The following AASDH variants were observed in gnomAD, a reference collection of about 807,000 sequenced individuals.
AASDH encodes the protein aminoadipate-semialdehyde dehydrogenase, also known as beta-alanine-activating enzyme.
AASDH carries 81 observed loss-of-function variants against 102.3 expected under a neutral mutation model. The observed-to-expected ratio is 0.79, with a 90% confidence interval of 0.66 to 0.95. AASDH has a LOEUF of 0.95. Among genes scored for constraint, AASDH ranks in the 40% least tolerant of loss-of-function variants. AASDH has a pLI of 0.00. For missense variants in AASDH, 1,203 were observed against 1,266.2 expected (o/e 0.95, Z 0.76); for synonymous variants, 398 against 454.0 (o/e 0.88, Z 1.57).
At chr4:56,347,625 G>C (rs948834169) in intron 11 of AASDH, among the ~76,000 whole-genome samples, 1 of 152,174 alleles carries the variant, frequency 6.6e-6, no homozygotes, top group South Asian at 2.1e-4. Flanking sequence ...CACCAGGCCA[G>C]ACATGGTGGC....
chr4:56,368,935 T>A (rs532747742), intron 5 of AASDH, among the ~76,000 whole-genome samples: 6 of 149,108 alleles, frequency 4.0e-5, no homozygotes, highest in African/African-American at 1.5e-4. Context: ...AGATGAACCC[T>A]GACAACACAG....
intron 3 of AASDH, among the ~76,000 whole-genome samples, chr4:56,378,699 A>G (rs944618831): frequency 6.6e-6 from 1 of 152,026 alleles, no homozygotes; most frequent in East Asian, 1.9e-4. Context: ...TAGATTACTT[A>G]TAACTAATAC....
intron 6 of AASDH, 108 bp downstream of exon 6, chr4:56,355,074 T>C: frequency 2.3e-6 from 3 of 1,303,982 alleles, no homozygotes; most frequent in Non-Finnish European, 3.1e-6. Context: ...TCAGATACAA[T>C]CGTGTTTCTA....
chr4:56,345,177 G>A lies in AASDH; in HGVS notation c.2602C>T (p.Leu868Phe), dbSNP rs1263019227. 14 of 1,614,060 alleles carry A rather than the reference G, an allele frequency of 8.7e-6. No individual in the cohort carries two copies. The highest frequency in any genetic ancestry group is 1.2e-5 in the Non-Finnish European group (14 of 1,180,016). The change falls in exon 12 of 15, where the codon CTC becomes TTC. Residue 868 changes from leucine (L) to phenylalanine (F), a missense_variant. Coordinates refer to ENST00000205214, the MANE Select transcript of AASDH (RefSeq NM_181806.4). ...SSATMDPTTG[L>F]IYIGSHDQHA... Reference sequence around the variant, plus strand: ...TGGTCATGAGATCCAATGTAAATGAGTCCTGTGGTTGGATCCATGGTTGCC... The same window carrying A: ...TGGTCATGAGATCCAATGTAAATGAATCCTGTGGTTGGATCCATGGTTGCC...
chr4:56,342,167 A>G lies in AASDH; in HGVS notation c.2907+668T>C, dbSNP rs375128307. Reference sequence around the variant, plus strand: ...GGGTGGGTTGGCTAATAAAAAAATAAAAACAGGTTAGTTAATAGGTAAAAA... The same window carrying G: ...GGGTGGGTTGGCTAATAAAAAAATAGAAACAGGTTAGTTAATAGGTAAAAA... On this transcript the variant is annotated intron_variant, in intron 14 of 14. Transcript: ENST00000205214. 5.3e-4 allele frequency among the ~76,000 whole-genome samples: 78 copies of G among 147,502 alleles called. 1 individual carries two copies. Among genetic ancestry groups the G allele is most frequent in the African/African-American group, 2.0e-3 (75 of 37,106 alleles).
At chr4:56,369,977 C>T (rs1415912980) in intron 5 of AASDH, among the ~76,000 whole-genome samples, 1 of 150,160 alleles carries the variant, frequency 6.7e-6, no homozygotes, top group Non-Finnish European at 1.5e-5. Context: ...ACAATGGAAA[C>T]TAATAATTAA....
At chr4:56,375,798 C>T (rs1243758123) in intron 4 of AASDH, among the ~76,000 whole-genome samples, 1 of 152,116 alleles carries the variant, frequency 6.6e-6, no homozygotes, top group Non-Finnish European at 1.5e-5. Flanking sequence ...CTTCCTCTAA[C>T]ACCAAGAAAT....
chr4:56,352,677 C>G (rs1181438101), intron 9 of AASDH, among the ~76,000 whole-genome samples: 2 of 152,240 alleles, frequency 1.3e-5, no homozygotes, highest in East Asian at 3.9e-4. Flanking sequence ...ATTATAGGCG[C>G]GAGTTGCCGC....
chr4:56,345,686 T>C (rs1159566375), intron 11 of AASDH, among the ~76,000 whole-genome samples: 1 of 152,216 alleles, frequency 6.6e-6, no homozygotes, highest in Non-Finnish European at 1.5e-5. Context: ...ATCTGCAGAA[T>C]GTGGAGTCAT....
Position 56,338,450 on chromosome 4 carries a change from T to G in AASDH, c.3249A>C (p.Arg1083Ser), listed in dbSNP as rs1348793048. The change falls in exon 15 of 15, where the codon AGA becomes AGC. Residue 1083 changes from arginine to serine, a missense_variant. Transcript: ENST00000205214. The stretch of plus-strand genomic sequence containing the variant: ...AATCCAGACAATAAACATAATTATC[T>G]CTACACCCAATAATGAGCATTGATT... ...VLESMLIIGC[R>S]DNYVYCLDLL... 6.2e-7 allele frequency: 1 copy of G among 1,614,068 alleles called. No homozygotes were observed. The highest frequency in any genetic ancestry group is 1.3e-5 in the African/African-American group (1 of 75,048).
At chr4:56,363,298 C>G (rs1053868494) in intron 5 of AASDH, among the ~76,000 whole-genome samples, 1 of 152,222 alleles carries the variant, frequency 6.6e-6, no homozygotes, top group African/African-American at 2.4e-5. Flanking sequence ...CCTCTGGGGG[C>G]AGGGCACAGA....
chr4:56,379,030 C>T (rs563764107), intron 3 of AASDH, among the ~76,000 whole-genome samples: 1 of 151,990 alleles, frequency 6.6e-6, no homozygotes, highest in East Asian at 1.9e-4. Context: ...ACTACAGGCA[C>T]CTGCCACCAC....
intron 3 of AASDH, among the ~76,000 whole-genome samples, chr4:56,379,412 G>A (rs538944461): frequency 2.0e-5 from 3 of 152,256 alleles, no homozygotes; most frequent in African/African-American, 4.8e-5. Flanking sequence ...GATTATAGGC[G>A]TGGGCCCCAA....
chr4:56,343,611 T>C lies in AASDH; in HGVS notation c.2726A>G (p.His909Arg). 6.2e-7 allele frequency: 1 copy of C among 1,610,802 alleles called. No individual in the cohort carries two copies. Among genetic ancestry groups the C allele is most frequent in the Non-Finnish European group, 8.5e-7 (1 of 1,178,174 alleles). The change falls in exon 13 of 15, where the codon CAT becomes CGT. Residue 909 changes from histidine to arginine, a missense_variant. Coordinates refer to ENST00000205214, the MANE Select transcript of AASDH (RefSeq NM_181806.4). The part of the protein sequence containing the change: ...FSSPCLNLIP[H>R]HLYFATLGGL... ...TCCCAATGTAGCAAAATACAAATGA[T>C]GTGGAATCAGGTTCAAACACGGAGA...
chr4:56,378,254 G>C lies in AASDH; in HGVS notation c.562C>G (p.Leu188Val). ...EKAEEHMDLR[L>V]KHCLAYVLHT... ...AGAACATAGGCTAAGCAATGCTTTA[G>C]CCTCAGATCCATGTGTTCTTCTGCT... is the stretch of plus-strand genomic sequence containing the variant. The change falls in exon 4 of 15, where the codon CTA becomes GTA. Residue 188 changes from leucine to valine, a missense_variant. Transcript: ENST00000205214. 2 of 1,614,110 alleles carry C rather than the reference G, an allele frequency of 1.2e-6. No homozygotes were observed. The highest frequency in any genetic ancestry group is 1.7e-6 in the Non-Finnish European group (2 of 1,180,038).
chr4:56,354,609 T>C, intron 7 of AASDH, 96 bp downstream of exon 7: 2 of 867,090 alleles, frequency 2.3e-6, no homozygotes, highest in South Asian at 3.6e-5. Flanking sequence ...CTGAAAAGCA[T>C]GAGATAGACA....
chr4:56,384,365 G>A, intron 1 of AASDH, 24 bp from the exon 2 acceptor site: 2 of 1,454,812 alleles, frequency 1.4e-6, no homozygotes, highest in Non-Finnish European at 1.9e-6. Flanking sequence ...GAAGTGTTAG[G>A]GGGAGAGGGA....
Position 56,355,430 on chromosome 4 carries a change from A to G in AASDH, c.862-7T>C. 6.2e-7 allele frequency: 1 copy of G among 1,603,302 alleles called. No individual in the cohort carries two copies. Among genetic ancestry groups the G allele is most frequent in the Non-Finnish European group, 8.5e-7 (1 of 1,175,348 alleles). ...TAAGCAATGTTGGTGTTGCCTGTAG[A>G]TACATTAAAAATAATTTATTTATTT... On this transcript the variant is annotated splice_region_variant and splice_polypyrimidine_tract_variant and intron_variant, in intron 5 of 14. Transcript: ENST00000205214.
At chr4:56,348,422 T>C (rs1034843714) in intron 11 of AASDH, among the ~76,000 whole-genome samples, 4 of 151,980 alleles carry the variant, frequency 2.6e-5, no homozygotes, top group African/African-American at 9.7e-5. Flanking sequence ...GCCTAGCTAA[T>C]GTTTGTATTT....
Sources: allele counts gnomAD v4.1 joint callset (sites outside exome capture counted in the v4.1 genomes callset), GRCh38; gene constraint gnomAD v4.1.1; transcripts MANE v1.5; gene names NCBI Gene and HGNC (gene_info 2026-07-23, HGNC 2026-07-21).